CPO: variants seen among roughly 807,000 people sequenced by gnomAD.
CPO encodes the protein carboxypeptidase O, also known as metallocarboxypeptidase C.
A neutral mutation model predicts 41.2 loss-of-function variants in CPO; 43 were observed. That is an observed-to-expected ratio of 1.04 (90% CI 0.82 to 1.35). The LOEUF (loss-of-function observed/expected upper bound fraction) is 1.35, where lower values mean the gene tolerates loss of function less well. Ranked by LOEUF, CPO falls within the 40% of genes most tolerant of loss-of-function variation. The probability of loss-of-function intolerance (pLI) is 0.00; values close to 1 mark genes in which losing one functional copy is unlikely to be tolerated. For missense variants in CPO, 408 were observed against 451.7 expected (o/e 0.90, Z 0.88); for synonymous variants, 178 against 162.7 (o/e 1.09, Z -0.72).
At position 206,958,339 on chromosome 2, in the gene CPO, G is replaced by A; in HGVS notation, c.306G>A (p.Trp102Ter). 6.2e-7 allele frequency: 1 copy of A among 1,600,796 alleles called. No individual in the cohort carries two copies. Among genetic ancestry groups the A allele is most frequent in the Non-Finnish European group, 8.5e-7 (1 of 1,173,830 alleles). Residue 102 changes from tryptophan (W) to a stop codon, truncating the protein, a stop_gained, in exon 4 of 9, where the codon TGG becomes TGA. Coordinates refer to ENST00000272852, the MANE Select transcript of CPO (RefSeq NM_173077.3). LOFTEE classifies it high-confidence loss of function. ...CTGGTAATCCCAAGAAAATCATTTGGATGGACTGTGGAATTCACGCCAGAG... is the reference window on the plus strand; with the variant it reads ...CTGGTAATCCCAAGAAAATCATTTGAATGGACTGTGGAATTCACGCCAGAG... The part of the protein sequence containing the change: ...QPSGNPKKII[W>*]MDCGIHAREW...
chr2:206,958,191 G>A (rs1382880301), intron 3 of CPO, 110 bp from the exon 4 acceptor site: 3 of 576,626 alleles, frequency 5.2e-6, no homozygotes, highest in Admixed American at 2.9e-5. Flanking sequence ...TGAAACCACA[G>A]AGTGGAGTGA....
chr2:206,968,095 G>T (rs147050121), intron 7 of CPO, among the ~76,000 whole-genome samples, 168 bp from the exon 8 acceptor site: 18 of 152,312 alleles, frequency 1.2e-4, no homozygotes, highest in African/African-American at 4.1e-4. Flanking sequence ...ACTGGATAAA[G>T]TGTGCTGAAT....
At chr2:206,958,750 T>C (rs112609851) in intron 4 of CPO, among the ~76,000 whole-genome samples, 1 of 145,326 alleles carries the variant, frequency 6.9e-6, no homozygotes, top group African/African-American at 2.6e-5. Flanking sequence ...TTTTTTTTTT[T>C]TTTTTTTTAA....
rs530853421 is a variant in CPO at position 206,969,049 on chromosome 2, C to T, written c.863-125C>T. On this transcript the variant is annotated intron_variant, in intron 8 of 8. Transcript: ENST00000272852. ...AAGAAGAAAGAGAAGACAGCTATTT[C>T]TGAGACCCTGATCTAAAAGAGCTTC... The T allele has an allele frequency of 9.1e-6, 9 of 991,940 alleles. No homozygotes were observed. In the South Asian group the frequency reaches 1.3e-4, roughly 14 times the overall value. 61.4% of individuals were successfully genotyped at this position (991,940 alleles called of 1,614,324 possible). A position where few individuals can be genotyped will look rare whatever the true frequency, so the allele number is the denominator to read the frequency against.
chr2:206,956,285 C>G (rs1339792809), intron 3 of CPO, among the ~76,000 whole-genome samples: 1 of 152,086 alleles, frequency 6.6e-6, no homozygotes. Context: ...AGATTTTGAC[C>G]TAATTGTTTC....
chr2:206,950,901 G>T lies in CPO; in HGVS notation c.165+1188G>T, dbSNP rs192121468. 1.9e-4 allele frequency among the ~76,000 whole-genome samples: 25 copies of T among 129,428 alleles called. 1 individual carries two copies. In the East Asian group the frequency reaches 6.5e-3, roughly 34 times the overall value. 84.9% of individuals were successfully genotyped at this position (129,428 alleles called of 152,430 possible). A position where few individuals can be genotyped will look rare whatever the true frequency, so the allele number is the denominator to read the frequency against. ...GAGAACACATGGTCACAGGGAGGGG[G>T]AACATCACACACCGGGGCCAGTTGT... On this transcript the variant is annotated intron_variant, in intron 2 of 8. Coordinates refer to ENST00000272852, the MANE Select transcript of CPO (RefSeq NM_173077.3).
At chr2:206,940,323 C>T (rs889135282) in intron 1 of CPO, among the ~76,000 whole-genome samples, 1 of 151,978 alleles carries the variant, frequency 6.6e-6, no homozygotes, top group Non-Finnish European at 1.5e-5. Flanking sequence ...ATTACTGGGT[C>T]AGTAACTGAG....
chr2:206,965,230 G>A (rs1048396910), intron 7 of CPO, among the ~76,000 whole-genome samples: 6 of 152,096 alleles, frequency 3.9e-5, no homozygotes, highest in Non-Finnish European at 7.4e-5. Context: ...AAGACTTTTC[G>A]ATAAAAAGAC....
At chr2:206,951,451 C>T (rs751896238) in intron 2 of CPO, among the ~76,000 whole-genome samples, 14 of 152,196 alleles carry the variant, frequency 9.2e-5, no homozygotes, top group Admixed American at 2.0e-4. Context: ...CACATGTCTA[C>T]ATTTTTATAT....
chr2:206,943,782 TAA>T (rs1693089337), intron 1 of CPO, among the ~76,000 whole-genome samples: 1 of 143,112 alleles, frequency 7.0e-6, no homozygotes, highest in Non-Finnish European at 1.5e-5. Context: ...AGATAGATGA[TAA>T]GCAGATAGAT....
At chr2:206,961,829 T>C (rs1693482965) in intron 6 of CPO, among the ~76,000 whole-genome samples, 2 of 151,980 alleles carry the variant, frequency 1.3e-5, no homozygotes, top group South Asian at 2.1e-4. Context: ...CGGTGGCTCA[T>C]GCCTGTAATC....
At chr2:206,959,078 T>C (rs915160821) in intron 4 of CPO, among the ~76,000 whole-genome samples, 5 of 152,132 alleles carry the variant, frequency 3.3e-5, no homozygotes, top group Non-Finnish European at 7.3e-5. Flanking sequence ...GAGTACGAAA[T>C]AACTACTTCA....
chr2:206,939,728 T>C (rs1456521066), intron 1 of CPO, 61 bp downstream of exon 1: 4 of 1,471,634 alleles, frequency 2.7e-6, no homozygotes, highest in Admixed American at 3.5e-5. Context: ...AATTGAATGG[T>C]TTCTTTTTAA....
chr2:206,949,578 T>C, intron 1 of CPO, 39 bp from the exon 2 acceptor site: 7 of 1,484,222 alleles, frequency 4.7e-6, no homozygotes, highest in Non-Finnish European at 6.6e-6. Flanking sequence ...ATATCCCAGT[T>C]TCACCACTGC....
intron 7 of CPO, among the ~76,000 whole-genome samples, chr2:206,966,199 T>TG (rs927638717): frequency 3.5e-5 from 5 of 143,490 alleles, no homozygotes; most frequent in Admixed American, 1.5e-4. Context: ...GCTGGCAATG[T>TG]GAAAAAAAAA....
chr2:206,943,722 G>C lies in CPO; in HGVS notation c.68+4055G>C, dbSNP rs1030642051. On this transcript the variant is annotated intron_variant, in intron 1 of 8. Transcript: ENST00000272852. ...TAGATAGATAGATAGATAGATGATGGATAGATGATAGATAGATAGATAGAT... is the reference window on the plus strand; with the variant it reads ...TAGATAGATAGATAGATAGATGATGCATAGATGATAGATAGATAGATAGAT... 8.4e-5 allele frequency among the ~76,000 whole-genome samples: 11 copies of C among 130,556 alleles called. No homozygotes were observed. In the Admixed American group the frequency reaches 8.8e-4, roughly 10 times the overall value. 85.6% of individuals were successfully genotyped at this position (130,556 alleles called of 152,430 possible).
In CPO at chr2:206,956,831, A is replaced by T. The variant is rs543113247; in HGVS notation, c.267+1267A>T. On this transcript the variant is annotated intron_variant, in intron 3 of 8. Coordinates refer to ENST00000272852, the MANE Select transcript of CPO (RefSeq NM_173077.3). ...GAGAGTTAACTACAACTCTTAAAAA[A>T]TTATTGGCTCTGAAATGGAATTTAC... is the stretch of plus-strand genomic sequence containing the variant. Among the ~76,000 whole-genome samples, 3 of 152,328 alleles carry T rather than the reference A, an allele frequency of 2.0e-5. 1 individual carries two copies. Among genetic ancestry groups the T allele is most frequent in the African/African-American group, 7.2e-5 (3 of 41,582 alleles).
intron 1 of CPO, among the ~76,000 whole-genome samples, chr2:206,941,955 ATTC>A (rs1339314841): frequency 3.9e-5 from 6 of 152,102 alleles, no homozygotes; most frequent in African/African-American, 1.4e-4. Flanking sequence ...TGATCTACTA[ATTC>A]TTCTTTCTGG....
chr2:206,950,915 G>A (rs558572312), intron 2 of CPO, among the ~76,000 whole-genome samples: 31 of 151,882 alleles, frequency 2.0e-4, no homozygotes, highest in African/African-American at 6.8e-4. Context: ...ATCACACACC[G>A]GGGCCAGTTG....
Sources: allele counts gnomAD v4.1 joint callset (sites outside exome capture counted in the v4.1 genomes callset), GRCh38; gene constraint gnomAD v4.1.1; transcripts MANE v1.5; gene names NCBI Gene and HGNC (gene_info 2026-07-23, HGNC 2026-07-21).